PLCB1: variants seen among roughly 807,000 people sequenced by gnomAD.
PLCB1 encodes 1-phosphatidylinositol 4,5-bisphosphate phosphodiesterase beta-1.
Under a neutral mutation model 161.8 loss-of-function variants are expected in PLCB1, and 46 were observed. That is an observed-to-expected ratio of 0.28 (90% CI 0.22 to 0.36). The LOEUF (loss-of-function observed/expected upper bound fraction) is 0.36, where lower values mean the gene tolerates loss of function less well. PLCB1 is among the 10% of genes least tolerant of loss of function. PLCB1 has a pLI of 1.00. For synonymous variants in PLCB1, 517 were observed against 503.7 expected (o/e 1.03, Z -0.35); for missense variants, 1,016 against 1,472.5 (o/e 0.69, Z 5.07).
chr20:8,687,941 C>G (rs1990395801), intron 10 of PLCB1, among the ~76,000 whole-genome samples: 1 of 152,236 alleles, frequency 6.6e-6, no homozygotes, highest in Non-Finnish European at 1.5e-5. Flanking sequence ...TACTAGTTTA[C>G]ATTCCCACCA....
rs575665760 is a variant in PLCB1 at position 8,789,392 on chromosome 20, G to T, written c.3279-126G>T. On this transcript the variant is annotated intron_variant, in intron 29 of 31. Transcript: ENST00000338037. ...AAACCTTGTCTCCAATAAATAAATA[G>T]ATAAAAATAAGGAAAAAAGAAAAAG... is the stretch of plus-strand genomic sequence containing the variant. The T allele has an allele frequency of 1.3e-5, 9 of 707,486 alleles. No individual in the cohort carries two copies. The South Asian group carries it at 1.4e-4, about 11-fold the overall frequency. The allele number at this position is 707,486 out of a possible 1,614,324, so 43.8% of individuals were successfully genotyped here.
In PLCB1 at chr20:8,822,910, A is replaced by C. The variant is rs79265817; in HGVS notation, c.3423+32649A>C. ...CATGGGTTCCACATCCATGGACTCAACCAACTGCAGATCAGAAATATTTGG... is the reference window on the plus strand; with the variant it reads ...CATGGGTTCCACATCCATGGACTCACCCAACTGCAGATCAGAAATATTTGG... On this transcript the variant is annotated intron_variant, in intron 31 of 31. Transcript: ENST00000338037. Among the ~76,000 whole-genome samples, 1,359 of 152,282 alleles carry C rather than the reference A, an allele frequency of 8.9e-3. 16 individuals carry two copies. The highest frequency in any genetic ancestry group is 0.031 in the African/African-American group (1,293 of 41,552).
chr20:8,180,587 G>A (rs1239882586), intron 2 of PLCB1, among the ~76,000 whole-genome samples: 2 of 152,172 alleles, frequency 1.3e-5, no homozygotes, highest in Non-Finnish European at 2.9e-5. Flanking sequence ...TTTGGAAACA[G>A]AGATTAAGGA....
chr20:8,305,973 A>G (rs995284459), intron 2 of PLCB1: 4 of 152,146 alleles, frequency 2.6e-5, no homozygotes, highest in African/African-American at 9.7e-5. Context: ...CATGATTGGG[A>G]GCAGCAGCAG....
chr20:8,834,370 T>TC (rs1568618069), intron 31 of PLCB1, among the ~76,000 whole-genome samples: 1 of 151,624 alleles, frequency 6.6e-6, no homozygotes, highest in East Asian at 1.9e-4. Context: ...CAGTCAGAGT[T>TC]CCCCCGAGAA....
intron 6 of PLCB1, among the ~76,000 whole-genome samples, chr20:8,648,997 C>T (rs1989241110): frequency 6.9e-6 from 1 of 145,588 alleles, no homozygotes; most frequent in African/African-American, 2.6e-5. Context: ...TAAAAGTAAA[C>T]AAATTAAAAA....
chr20:8,370,648 C>T (rs1986874547), intron 2 of PLCB1, among the ~76,000 whole-genome samples: 1 of 152,156 alleles, frequency 6.6e-6, no homozygotes, highest in African/African-American at 2.4e-5. Flanking sequence ...AATGATTTCT[C>T]ATAAACTTTT....
At chr20:8,591,492 T>G (rs538027000) in intron 3 of PLCB1, among the ~76,000 whole-genome samples, 1 of 152,310 alleles carries the variant, frequency 6.6e-6, no homozygotes, top group South Asian at 2.1e-4. Context: ...ATTTAGAAGC[T>G]AAGGTAAAGG....
At chr20:8,493,044 C>A (rs1036740477) in intron 3 of PLCB1, among the ~76,000 whole-genome samples, 1 of 152,074 alleles carries the variant, frequency 6.6e-6, no homozygotes, top group South Asian at 2.1e-4. Context: ...AGAAGGTAAT[C>A]ACTGAAATGA....
At chr20:8,602,819 A>G (rs1048789438) in intron 3 of PLCB1, among the ~76,000 whole-genome samples, 1 of 152,208 alleles carries the variant, frequency 6.6e-6, no homozygotes, top group Non-Finnish European at 1.5e-5. Flanking sequence ...TTAAAAGTGA[A>G]TATGTTAGTT....
intron 2 of PLCB1, among the ~76,000 whole-genome samples, chr20:8,285,396 G>A (rs1443352505): frequency 6.6e-6 from 1 of 151,774 alleles, no homozygotes; most frequent in African/African-American, 2.4e-5. Flanking sequence ...TATGAAGTAG[G>A]CCAGATATTT....
intron 31 of PLCB1, among the ~76,000 whole-genome samples, chr20:8,802,917 T>C (rs944974039): frequency 6.6e-6 from 1 of 152,206 alleles, no homozygotes; most frequent in Non-Finnish European, 1.5e-5. Context: ...CCAAAGAGTG[T>C]GCAATTCTTA....
At chr20:8,623,060 C>G (rs1988229488) in intron 3 of PLCB1, among the ~76,000 whole-genome samples, 1 of 152,090 alleles carries the variant, frequency 6.6e-6, no homozygotes, top group African/African-American at 2.4e-5. Context: ...TGAATGCCCT[C>G]CAGCAGCCCC....
chr20:8,286,264 C>G (rs1983118687), intron 2 of PLCB1, among the ~76,000 whole-genome samples: 1 of 152,168 alleles, frequency 6.6e-6, no homozygotes, highest in Non-Finnish European at 1.5e-5. Flanking sequence ...GCAGAGGTTG[C>G]AGTGAGCCAA....
chr20:8,335,177 G>A (rs1037520965), intron 2 of PLCB1, among the ~76,000 whole-genome samples: 7 of 152,278 alleles, frequency 4.6e-5, no homozygotes, highest in Middle Eastern at 3.4e-3. Flanking sequence ...ACCAGTGCTT[G>A]TAATTTTTTG....
chr20:8,808,913 C>T (rs142692566), intron 31 of PLCB1, among the ~76,000 whole-genome samples: 161 of 152,266 alleles, frequency 1.1e-3, no homozygotes, highest in Non-Finnish European at 2.0e-3. Flanking sequence ...TATAAACTTT[C>T]AATGAAATAA....
intron 4 of PLCB1, among the ~76,000 whole-genome samples, chr20:8,640,182 A>T (rs1988902261): frequency 6.6e-6 from 1 of 152,262 alleles, no homozygotes; most frequent in African/African-American, 2.4e-5. Context: ...TCATTAAATT[A>T]TAAGTTAATG....
chr20:8,825,318 G>C (rs1266910191), intron 31 of PLCB1, among the ~76,000 whole-genome samples: 1 of 152,204 alleles, frequency 6.6e-6, no homozygotes, highest in African/African-American at 2.4e-5. Context: ...GTCTGAGCAA[G>C]GTAGGTATAG....
chr20:8,168,234 G>A lies in PLCB1; in HGVS notation c.177+17863G>A, dbSNP rs991450117. ...ATCTGAAAAGTCACACTGCAAAGAG[G>A]CATGGTTACAGTGAGAAGAATAATT... On this transcript the variant is annotated intron_variant, in intron 2 of 31. Coordinates refer to ENST00000338037, the MANE Select transcript of PLCB1 (RefSeq NM_015192.4). Among the ~76,000 whole-genome samples the A allele has an allele frequency of 5.3e-5, 8 of 152,170 alleles. No individual in the cohort carries two copies. The East Asian group carries it at 1.2e-3, about 22-fold the overall frequency.
Sources: gnomAD v4.1 joint callset for allele counts (sites outside exome capture counted in the v4.1 genomes callset) on GRCh38, gnomAD v4.1.1 for gene constraint, MANE v1.5 for transcripts, NCBI Gene and HGNC (gene_info 2026-07-23, HGNC 2026-07-21) for gene names.